Variants in PSMA5 observed in about 807,000 individuals in gnomAD.
The protein encoded by PSMA5 is proteasome 20S subunit alpha 5, also known as proteasome subunit alpha type-5.
PSMA5 carries 3 observed loss-of-function variants against 34.5 expected under a neutral mutation model. The ratio of observed to expected loss-of-function variants is 0.09; its 90% CI spans 0.04 to 0.22. The LOEUF (loss-of-function observed/expected upper bound fraction) is 0.22. Among genes scored for constraint, PSMA5 ranks in the 10% least tolerant of loss-of-function variants. The probability of loss-of-function intolerance (pLI) is 1.00; values close to 1 mark genes in which losing one functional copy is unlikely to be tolerated. For missense variants in PSMA5, 120 were observed against 286.1 expected, an observed-to-expected ratio of 0.42 and a Z score of 4.19; for synonymous variants, 88 against 95.8, an observed-to-expected ratio of 0.92 and a Z score of 0.47.
In PSMA5 at chr1:109,401,412, C is replaced by CT. The variant is rs900015462; in HGVS notation, c.*600dup. 2.6e-5 allele frequency: 4 copies of CT among 152,068 alleles called. No homozygotes were observed. The highest frequency in any genetic ancestry group is 9.7e-5 in the African/African-American group (4 of 41,404). 9.4% of individuals were successfully genotyped at this position (152,068 alleles called of 1,614,324 possible). A position where few individuals can be genotyped will look rare whatever the true frequency, so the allele number is the denominator to read the frequency against. On this transcript the variant is annotated 3_prime_UTR_variant, in exon 9 of 9. Transcript: ENST00000271308. ...TCTGATAGTCAATTAGTAGCATCTC[C>CT]TTATAAGAAAAGCAGCAAAAATACA... is the stretch of plus-strand genomic sequence containing the variant.
intron 2 of PSMA5, among the ~76,000 whole-genome samples, chr1:109,416,041 C>T (rs1208383427): frequency 1.3e-5 from 2 of 152,108 alleles, no homozygotes; most frequent in African/African-American, 4.8e-5. Context: ...ATGCCCATTT[C>T]CTGCAAAATG....
chr1:109,417,802 C>G (rs1654276122), intron 2 of PSMA5, among the ~76,000 whole-genome samples: 1 of 152,134 alleles, frequency 6.6e-6, no homozygotes, highest in African/African-American at 2.4e-5. Flanking sequence ...GTAAGGAATA[C>G]ATTTGATTTC....
At chr1:109,406,192 A>G (rs1653753980) in intron 8 of PSMA5, among the ~76,000 whole-genome samples, 1 of 152,240 alleles carries the variant, frequency 6.6e-6, no homozygotes, top group Admixed American at 6.5e-5. Flanking sequence ...GACAAATAAG[A>G]GTTATCTTAG....
rs767227260 is a variant in PSMA5 at position 109,411,132 on chromosome 1, G to A, written c.459-19C>T. Reference sequence around the variant, plus strand: ...ATGAAACCTGCAAAACCCCCAAAATGAGGACTAAAATGCTCAGGAGTGGTG... The same window carrying A: ...ATGAAACCTGCAAAACCCCCAAAATAAGGACTAAAATGCTCAGGAGTGGTG... On this transcript the variant is annotated intron_variant, in intron 6 of 8. Transcript: ENST00000271308. 1.3e-6 allele frequency: 2 copies of A among 1,586,998 alleles called. No individual in the cohort carries two copies. The highest frequency in any genetic ancestry group is 1.7e-6 in the Non-Finnish European group (2 of 1,158,222).
In PSMA5 at chr1:109,412,985, C is replaced by G. The variant is rs1234426196; in HGVS notation, c.291+83G>C. On this transcript the variant is annotated intron_variant, in intron 4 of 8. Transcript: ENST00000271308. ...CCACATCTAATATTGACACAGGTAC[C>G]TGCAGTATAGCCCAGGCAGCTAGAT... 5.0e-6 allele frequency: 6 copies of G among 1,193,410 alleles called. No individual in the cohort carries two copies. The East Asian group carries it at 1.4e-4, about 28-fold the overall frequency. 73.9% of individuals were successfully genotyped at this position (1,193,410 alleles called of 1,614,324 possible).
Position 109,401,031 on chromosome 1 carries a change from C to T in PSMA5, c.*982G>A, listed in dbSNP as rs1322701344. 1 of 152,182 alleles carries T rather than the reference C, an allele frequency of 6.6e-6. No homozygotes were observed. The highest frequency in any genetic ancestry group is 2.4e-5 in the African/African-American group (1 of 41,440). 9.4% of individuals were successfully genotyped at this position (152,182 alleles called of 1,614,324 possible). On this transcript the variant is annotated 3_prime_UTR_variant, in exon 9 of 9. Coordinates refer to ENST00000271308, the MANE Select transcript of PSMA5 (RefSeq NM_002790.4). ...GGGCACACAGCATTAGATTCTTCAT[C>T]TGTTAAGTAGTGATACTGATACCAT...
intron 7 of PSMA5, 78 bp downstream of exon 7, chr1:109,410,933 T>C (rs1653961064): frequency 8.9e-7 from 1 of 1,123,216 alleles, no homozygotes; most frequent in African/African-American, 1.6e-5. Flanking sequence ...AACTGAACTC[T>C]TAAGGTTTGC....
chr1:109,423,376 T>C (rs1357760149), intron 1 of PSMA5, among the ~76,000 whole-genome samples: 11 of 152,228 alleles, frequency 7.2e-5, no homozygotes, highest in Non-Finnish European at 1.5e-4. Flanking sequence ...GAGGCGGAGG[T>C]TGCAGTGAGC....
chr1:109,424,731 G>A (rs1557847105), intron 1 of PSMA5, among the ~76,000 whole-genome samples: 1 of 152,154 alleles, frequency 6.6e-6, no homozygotes, highest in South Asian at 2.1e-4. Flanking sequence ...GCTCACTCCT[G>A]TAATCCCAGC....
intron 1 of PSMA5, chr1:109,425,967 G>GA: frequency 7.2e-6 from 3 of 414,622 alleles, no homozygotes; most frequent in Non-Finnish European, 1.3e-5. Context: ...TACTAGGCAC[G>GA]AAAAGATGAA....
intron 7 of PSMA5, among the ~76,000 whole-genome samples, chr1:109,410,472 G>T (rs1274625718): frequency 2.0e-5 from 3 of 152,132 alleles, no homozygotes; most frequent in Non-Finnish European, 4.4e-5. Context: ...ATGTGAGCAG[G>T]CATCCCTGTA....
chr1:109,407,548 T>C (rs956742094), intron 8 of PSMA5, among the ~76,000 whole-genome samples: 2 of 152,182 alleles, frequency 1.3e-5, no homozygotes, highest in Non-Finnish European at 2.9e-5. Flanking sequence ...CAACCATCCA[T>C]TTTCTCATGA....
intron 2 of PSMA5, among the ~76,000 whole-genome samples, chr1:109,420,445 T>C (rs1399840253): frequency 6.6e-6 from 1 of 152,186 alleles, no homozygotes; most frequent in African/African-American, 2.4e-5. Context: ...GCTGAAACAA[T>C]TTAAAGTGTT....
chr1:109,423,169 T>C (rs1654515821), intron 1 of PSMA5, among the ~76,000 whole-genome samples: 2 of 152,230 alleles, frequency 1.3e-5, no homozygotes, highest in South Asian at 4.1e-4. Context: ...CCTGGCGTGG[T>C]GGCTCACGCC....
chr1:109,415,504 C>T (rs1654154456), intron 2 of PSMA5, 141 bp from the exon 3 acceptor site: 3 of 707,338 alleles, frequency 4.2e-6, no homozygotes, highest in Non-Finnish European at 2.1e-6. Flanking sequence ...AGCACCCTAA[C>T]ATACTGTAAG....
In PSMA5 at chr1:109,415,276, T is replaced by G; in HGVS notation, c.184A>C (p.Ser62Arg). ...KRITSPLMEPSSIEKIVEIDA... is the reference protein window; with the variant it reads ...KRITSPLMEPRSIEKIVEIDA... ...ATCTCTACAATTTTCTCAATGCTGC[T>G]GGGCTCCATCAGTGGGGAAGTAATT... Residue 62 changes from serine to arginine, a missense_variant, in exon 3 of 9, where the codon AGC becomes CGC. Physicochemically the swap from Ser to Arg is moderately radical, Grantham distance 110 (BLOSUM62 -1). Around this residue, in one of 3 missense-constraint regions of PSMA5, gnomAD observed 20 missense variants for 19.4 expected, o/e 1.03. Coordinates refer to ENST00000271308, the MANE Select transcript of PSMA5 (RefSeq NM_002790.4). The G allele has an allele frequency of 6.2e-7, 1 of 1,614,088 alleles. No homozygotes were observed. Among genetic ancestry groups the G allele is most frequent in the Non-Finnish European group, 8.5e-7 (1 of 1,179,938 alleles).
Position 109,412,204 on chromosome 1 carries a change from T to G in PSMA5, c.292-20A>C, listed in dbSNP as rs762307756. On this transcript the variant is annotated intron_variant, in intron 4 of 8. Transcript: ENST00000271308. ...GTGGTTCTAGAAGAAGAGCAAAGCA[T>G]GGTACAACCTTCTAATAAGGACATT... The G allele has an allele frequency of 1.9e-5, 30 of 1,581,966 alleles. No individual in the cohort carries two copies. Among genetic ancestry groups the G allele is most frequent in the Non-Finnish European group, 2.5e-5 (29 of 1,150,906 alleles).
intron 1 of PSMA5, among the ~76,000 whole-genome samples, chr1:109,422,578 T>C (rs1654487827): frequency 6.6e-6 from 1 of 151,602 alleles, no homozygotes; most frequent in African/African-American, 2.4e-5. Context: ...GTTCAAGCAG[T>C]TATCCTGCCT....
At chr1:109,420,112 AT>A (rs1654382190) in intron 2 of PSMA5, among the ~76,000 whole-genome samples, 1 of 152,224 alleles carries the variant, frequency 6.6e-6, no homozygotes, top group Admixed American at 6.5e-5. Context: ...AAAGAGAATT[AT>A]TAACTCCAAG....
Sources: gnomAD v4.1 joint callset for allele counts (sites outside exome capture counted in the v4.1 genomes callset) on GRCh38, gnomAD v4.1.1 for gene constraint, gnomAD v4.1.1 regional missense constraint, MANE v1.5 for transcripts, NCBI Gene and HGNC (gene_info 2026-07-23, HGNC 2026-07-21) for gene names.